The following MTM1 variants were observed in gnomAD, a reference collection of about 807,000 sequenced individuals.
MTM1 encodes myotubularin.
Under a neutral mutation model 52.1 loss-of-function variants are expected in MTM1, and 9 were observed. The observed-to-expected ratio is 0.17, with a 90% CI of 0.10 to 0.30. The LOEUF (loss-of-function observed/expected upper bound fraction) is 0.30, where lower values mean the gene tolerates loss of function less well. MTM1 is among the 10% of genes least tolerant of loss of function. The pLI is 1.00. For synonymous variants in MTM1, 136 were observed against 163.8 expected (o/e 0.83, Z 1.29); for missense variants, 277 against 470.7 (o/e 0.59, Z 3.81).
At chrX:150,625,421 G>A (rs1298307853) in intron 6 of MTM1, among the ~76,000 whole-genome samples, 2 of 111,164 alleles carry the variant, frequency 1.8e-5, no homozygotes, top group African/African-American at 6.6e-5. Flanking sequence ...TAACATGTGG[G>A]GCACTTTAAG....
intron 1 of MTM1, among the ~76,000 whole-genome samples, chrX:150,577,591 T>C (rs1557411695): frequency 8.9e-6 from 1 of 112,454 alleles, no homozygotes; most frequent in Non-Finnish European, 1.9e-5. Context: ...GTGAAGGATT[T>C]GCTGAAATCT....
At chrX:150,572,072 A>AC (rs1333717604) in intron 1 of MTM1, among the ~76,000 whole-genome samples, 1 of 112,117 alleles carries the variant, frequency 8.9e-6, no homozygotes, top group African/African-American at 3.3e-5. Flanking sequence ...TTCTATTTCT[A>AC]CCAGAGGAAC....
chrX:150,652,997 T>A (rs1198860879), intron 10 of MTM1, among the ~76,000 whole-genome samples: 1 of 110,236 alleles, frequency 9.1e-6, no homozygotes, highest in Non-Finnish European at 1.9e-5. Flanking sequence ...AGTTAGCACT[T>A]AAGGAATGTG....
intron 9 of MTM1, among the ~76,000 whole-genome samples, chrX:150,648,823 C>G (rs782154109): frequency 8.9e-6 from 1 of 112,647 alleles, no homozygotes; most frequent in Non-Finnish European, 1.9e-5. Flanking sequence ...GTGCAGTGCT[C>G]TCTCATTGGT....
At chrX:150,584,420 A>T (rs192287251) in intron 1 of MTM1, among the ~76,000 whole-genome samples, 33 of 111,345 alleles carry the variant, frequency 3.0e-4, no homozygotes, top group African/African-American at 1.0e-3. Flanking sequence ...AATTTTAAAG[A>T]TATGCAAGGG....
chrX:150,611,883 ATACCT>A (rs1480843394), intron 4 of MTM1, among the ~76,000 whole-genome samples: 36 of 112,290 alleles, frequency 3.2e-4, no homozygotes, highest in Non-Finnish European at 4.5e-4. Flanking sequence ...GAATCATATA[ATACCT>A]TACCTTTTAA....
chrX:150,660,727 T>C (rs1419562318), intron 13 of MTM1, among the ~76,000 whole-genome samples: 1 of 111,833 alleles, frequency 8.9e-6, no homozygotes, highest in Non-Finnish European at 1.9e-5. Flanking sequence ...AGTGCCGGCA[T>C]CTGCTTAGTT....
intron 6 of MTM1, among the ~76,000 whole-genome samples, chrX:150,626,073 T>C (rs1569565464): frequency 8.9e-6 from 1 of 112,411 alleles, no homozygotes; most frequent in Non-Finnish European, 1.9e-5. Flanking sequence ...TTTCATAGTC[T>C]TTGCTGCTTA....
intron 5 of MTM1, 136 bp downstream of exon 5, chrX:150,614,835 T>C: frequency 2.2e-6 from 1 of 451,372 alleles, no homozygotes; most frequent in Non-Finnish European, 3.8e-6. Context: ...GTTCTTCCCT[T>C]AAGAACAAGC....
intron 3 of MTM1, 36 bp downstream of exon 3, chrX:150,596,606 A>G (rs782140101): frequency 5.3e-6 from 6 of 1,134,245 alleles, no homozygotes; most frequent in Middle Eastern, 2.5e-4. Flanking sequence ...GCATAACTTG[A>G]GGAGAAGTCT....
intron 6 of MTM1, among the ~76,000 whole-genome samples, chrX:150,620,724 C>T (rs1249224096): frequency 2.7e-5 from 3 of 111,689 alleles, no homozygotes; most frequent in Non-Finnish European, 5.6e-5. Flanking sequence ...AGTTTAAAGT[C>T]GTCACTGCTA....
At chrX:150,642,506 G>A (rs2039864615) in intron 8 of MTM1, among the ~76,000 whole-genome samples, 1 of 111,548 alleles carries the variant, frequency 9.0e-6, no homozygotes, top group African/African-American at 3.3e-5. Context: ...ATATCTTCGC[G>A]ATATAAATTG....
chrX:150,640,587 G>GAGAT (rs2039831380), intron 7 of MTM1, among the ~76,000 whole-genome samples: 1 of 111,915 alleles, frequency 8.9e-6, no homozygotes, highest in Admixed American at 9.5e-5. Flanking sequence ...TTTTGTGGGG[G>GAGAT]AGATGATAGG....
intron 7 of MTM1, among the ~76,000 whole-genome samples, chrX:150,640,876 C>T (rs1422497492): frequency 9.0e-6 from 1 of 110,573 alleles, no homozygotes; most frequent in Non-Finnish European, 1.9e-5. Flanking sequence ...TCTTTTCTAC[C>T]CTCAGTTAGA....
At chrX:150,587,819 A>AT (rs1233502918) in intron 1 of MTM1, among the ~76,000 whole-genome samples, 2 of 111,818 alleles carry the variant, frequency 1.8e-5, no homozygotes, top group African/African-American at 6.5e-5. Flanking sequence ...CAAATTGGAA[A>AT]TGGGGGCATG....
chrX:150,579,129 A>G (rs1396071343), intron 1 of MTM1, among the ~76,000 whole-genome samples: 2 of 110,161 alleles, frequency 1.8e-5, no homozygotes, highest in African/African-American at 6.6e-5. Context: ...ATCTCAGCTC[A>G]CTGCAACCTC....
At chrX:150,596,409 C>A in intron 2 of MTM1, 89 bp from the exon 3 acceptor site, 1 of 733,865 alleles carries the variant, frequency 1.4e-6, no homozygotes, top group Non-Finnish European at 2.1e-6. Context: ...CTTTAAAAAA[C>A]ATATTTCTAG....
In MTM1 at chrX:150,618,579, A is replaced by C. The variant is rs782446139; in HGVS notation, c.343-459A>C. Among the ~76,000 whole-genome samples, 184 of 111,356 alleles carry C rather than the reference A, an allele frequency of 1.7e-3. 1 individual carries two copies. Among genetic ancestry groups the C allele is most frequent in the African/African-American group, 5.8e-3 (179 of 30,651 alleles). ...TGAGGCACGAGAATCCCTTGAACCC[A>C]GGAGGTGGAGGTTGCAGTGAGCCGA... On this transcript the variant is annotated intron_variant, in intron 5 of 14. Coordinates refer to ENST00000370396, the MANE Select transcript of MTM1 (RefSeq NM_000252.3).
At chrX:150,610,808 A>C (rs1254704191) in intron 4 of MTM1, among the ~76,000 whole-genome samples, 2 of 112,206 alleles carry the variant, frequency 1.8e-5, no homozygotes, top group Non-Finnish European at 3.8e-5. Flanking sequence ...AGAGACAAAG[A>C]GTAGCAAGGT....
Sources: gnomAD v4.1 joint callset for allele counts (sites outside exome capture counted in the v4.1 genomes callset) on GRCh38, gnomAD v4.1.1 for gene constraint, MANE v1.5 for transcripts, NCBI Gene and HGNC (gene_info 2026-07-23, HGNC 2026-07-21) for gene names.